Variants in KMT5B observed in about 807,000 individuals in gnomAD.
KMT5B encodes lysine methyltransferase 5B.
In KMT5B, 10 loss-of-function variants were observed where a neutral mutation model predicts 83.2. That is an observed-to-expected ratio of 0.12 (90% confidence interval 0.07 to 0.20). KMT5B has a LOEUF of 0.20. KMT5B is among the 10% of genes least tolerant of loss of function. The probability of loss-of-function intolerance (pLI) is 1.00; values close to 1 mark genes in which losing one functional copy is unlikely to be tolerated. For synonymous variants in KMT5B, 349 were observed against 388.8 expected, an observed-to-expected ratio of 0.90 and a Z score of 1.20; for missense variants, 753 against 1,067.2, an observed-to-expected ratio of 0.71 and a Z score of 4.10.
At chr11:68,184,448 T>A (rs779516326) in intron 3 of KMT5B, among the ~76,000 whole-genome samples, 1 of 152,216 alleles carries the variant, frequency 6.6e-6, no homozygotes, top group Non-Finnish European at 1.5e-5. Context: ...GGATTTAGAC[T>A]GTAATTGATA....
chr11:68,182,806 G>A (rs1857069659), intron 3 of KMT5B, among the ~76,000 whole-genome samples: 1 of 149,776 alleles, frequency 6.7e-6, no homozygotes, highest in Non-Finnish European at 1.5e-5. Context: ...GCGCAATCTC[G>A]GCTCACCACA....
chr11:68,171,767 T>C lies in KMT5B; in HGVS notation c.654-58A>G. Reference sequence around the variant, plus strand: ...TAGTAATTAAATATAGTAAGGCTTCTTTTAATAAAATAATCCTGACAATAA... The same window carrying C: ...TAGTAATTAAATATAGTAAGGCTTCCTTTAATAAAATAATCCTGACAATAA... On this transcript the variant is annotated intron_variant, in intron 6 of 10. Transcript: ENST00000304363. The surrounding 1 kb of genome is among the most constrained non-coding windows in gnomAD (Gnocchi z 5.1). 1 of 1,330,284 alleles carries C rather than the reference T, an allele frequency of 7.5e-7. No individual in the cohort carries two copies. 82.4% of individuals were successfully genotyped at this position (1,330,284 alleles called of 1,614,324 possible). A position where few individuals can be genotyped will look rare whatever the true frequency, so the allele number is the denominator to read the frequency against.
chr11:68,187,749 A>G (rs957474974), intron 2 of KMT5B, among the ~76,000 whole-genome samples: 8 of 152,154 alleles, frequency 5.3e-5, no homozygotes, highest in African/African-American at 1.7e-4. Flanking sequence ...TCTCCAAATT[A>G]TTGCTGAATT....
Position 68,167,030 on chromosome 11 carries a change from C to T in KMT5B, c.1126G>A (p.Val376Ile). Residue 376 changes from valine (V) to isoleucine (I), a missense_variant, in exon 10 of 11, where the codon GTC becomes ATC. Physicochemically the swap from Val to Ile is conservative, Grantham distance 29. This residue lies in a region of KMT5B where 397 missense variants were observed against 395.9 expected (regional missense o/e 1.00). Coordinates refer to ENST00000304363, the MANE Select transcript of KMT5B (RefSeq NM_017635.5). Reference protein sequence around the residue: ...DSSKNSDSQSVSSNTDADTTQ... With the variant: ...DSSKNSDSQSISSNTDADTTQ... ...GTATCTGCATCAGTGTTAGAGCTGACAGATTGACTGTCTGAATTTTTGCTG... is the reference window on the plus strand; with the variant it reads ...GTATCTGCATCAGTGTTAGAGCTGATAGATTGACTGTCTGAATTTTTGCTG... 6.2e-7 allele frequency: 1 copy of T among 1,614,158 alleles called. No homozygotes were observed. Among genetic ancestry groups the T allele is most frequent in the Non-Finnish European group, 8.5e-7 (1 of 1,180,024 alleles).
At chr11:68,175,254 C>G in intron 4 of KMT5B, 71 bp from the exon 5 acceptor site, 1 of 1,265,978 alleles carries the variant, frequency 7.9e-7, no homozygotes, top group South Asian at 1.4e-5. Flanking sequence ...CTTAACAGAT[C>G]TTGAGAAAGA....
chr11:68,173,763 C>T, intron 6 of KMT5B, 41 bp downstream of exon 6: 2 of 1,273,404 alleles, frequency 1.6e-6, no homozygotes, highest in East Asian at 2.4e-5. Context: ...TAGAAGAGAA[C>T]TTTAAATTAA....
chr11:68,181,614 T>C (rs1856942707), intron 3 of KMT5B, among the ~76,000 whole-genome samples: 1 of 152,166 alleles, frequency 6.6e-6, no homozygotes, highest in African/African-American at 2.4e-5. Context: ...AACTAACAAT[T>C]TAAGAAGTAT....
Position 68,157,389 on chromosome 11 carries a change from C to A in KMT5B, c.*299G>T. The A allele has an allele frequency of 4.3e-6, 1 of 234,096 alleles. No individual in the cohort carries two copies. The highest frequency in any genetic ancestry group is 8.2e-6 in the Non-Finnish European group (1 of 122,626). 14.5% of individuals were successfully genotyped at this position (234,096 alleles called of 1,614,324 possible). ...AACTGTGTAGCCACATTACTGTTTTCAACGTCCTGTGTGGAAAGTTGCTAT... is the reference window on the plus strand; with the variant it reads ...AACTGTGTAGCCACATTACTGTTTTAAACGTCCTGTGTGGAAAGTTGCTAT... On this transcript the variant is annotated 3_prime_UTR_variant, in exon 11 of 11. Transcript: ENST00000304363.
At chr11:68,207,496 C>CA in intron 1 of KMT5B, among the ~76,000 whole-genome samples, 1 of 151,576 alleles carries the variant, frequency 6.6e-6, no homozygotes, top group Admixed American at 6.6e-5. Context: ...TAATATCACA[C>CA]AAAAAAGCAA....
At chr11:68,182,146 T>G (rs142672681) in intron 3 of KMT5B, among the ~76,000 whole-genome samples, 1 of 152,356 alleles carries the variant, frequency 6.6e-6, no homozygotes, top group African/African-American at 2.4e-5. Flanking sequence ...AGTTAATGTC[T>G]TGAGTTCCAA....
At chr11:68,175,809 C>T (rs989041575) in intron 4 of KMT5B, among the ~76,000 whole-genome samples, 4 of 152,066 alleles carry the variant, frequency 2.6e-5, no homozygotes, top group Non-Finnish European at 4.4e-5. Flanking sequence ...ATGTCAAAGT[C>T]ATCTTTGATG....
intron 2 of KMT5B, among the ~76,000 whole-genome samples, chr11:68,187,080 T>C (rs1857508043): frequency 6.6e-6 from 1 of 152,098 alleles, no homozygotes; most frequent in Non-Finnish European, 1.5e-5. Context: ...CACCGCAGCC[T>C]CGAATTCCTG....
intron 6 of KMT5B, 84 bp downstream of exon 6, chr11:68,173,720 T>C (rs1856064509): frequency 5.2e-6 from 5 of 963,736 alleles, no homozygotes; most frequent in Admixed American, 5.0e-5. Flanking sequence ...CTTCATTCCT[T>C]ACCATGAATT....
chr11:68,165,333 G>A (rs751176040), intron 10 of KMT5B, among the ~76,000 whole-genome samples: 3 of 152,064 alleles, frequency 2.0e-5, no homozygotes, highest in Admixed American at 6.6e-5. Flanking sequence ...GTGAAACCCC[G>A]TCTCTACTAA....
intron 4 of KMT5B, chr11:68,179,432 G>T: frequency 7.7e-7 from 1 of 1,298,152 alleles, no homozygotes. Context: ...TTATTAAAGG[G>T]GCAGGAAAAA....
intron 1 of KMT5B, among the ~76,000 whole-genome samples, chr11:68,198,346 T>C (rs1858970187): frequency 6.6e-6 from 1 of 151,742 alleles, no homozygotes; most frequent in Non-Finnish European, 1.5e-5. Context: ...ATTGTGCCAC[T>C]GCACTCCATC....
At chr11:68,170,216 C>T (rs952462419) in intron 9 of KMT5B, among the ~76,000 whole-genome samples, 1 of 152,230 alleles carries the variant, frequency 6.6e-6, no homozygotes, top group Non-Finnish European at 1.5e-5. Context: ...GTTAGGCTGA[C>T]TGGGGTCTGA....
chr11:68,181,434 G>GA (rs1315233178), intron 3 of KMT5B, among the ~76,000 whole-genome samples: 2 of 152,224 alleles, frequency 1.3e-5, no homozygotes, highest in African/African-American at 4.8e-5. Context: ...AAAAGGAAGG[G>GA]AAAAGAGTAT....
chr11:68,191,319 C>T (rs1230825314), intron 1 of KMT5B, among the ~76,000 whole-genome samples: 1 of 150,870 alleles, frequency 6.6e-6, no homozygotes, highest in Non-Finnish European at 1.5e-5. Context: ...AGCCACTGTG[C>T]CTGGCTAAGA....
Sources: gnomAD v4.1 joint callset for allele counts (sites outside exome capture counted in the v4.1 genomes callset) on GRCh38, gnomAD v4.1.1 for gene constraint, gnomAD v4.1.1 regional missense constraint, Gnocchi (gnomAD v3.1) non-coding constraint, MANE v1.5 for transcripts, NCBI Gene and HGNC (gene_info 2026-07-23, HGNC 2026-07-21) for gene names.